The following CDK1 variants were observed in gnomAD, a reference collection of about 807,000 sequenced individuals.
The protein encoded by CDK1 is cyclin dependent kinase 1.
Under a neutral mutation model 34.6 loss-of-function variants are expected in CDK1, and 5 were observed. The observed-to-expected ratio is 0.14, with a 90% CI of 0.08 to 0.30. The LOEUF (loss-of-function observed/expected upper bound fraction) is 0.30. CDK1 is among the 10% of genes least tolerant of loss of function. The pLI, the probability that CDK1 is intolerant of heterozygous loss-of-function variation, is 1.00. For missense variants in CDK1, 157 were observed against 345.7 expected, an observed-to-expected ratio of 0.45 and a Z score of 4.33; for synonymous variants, 108 against 114.7, an observed-to-expected ratio of 0.94 and a Z score of 0.37.
chr10:60,786,216 T>A (rs1039779847), intron 4 of CDK1: 2 of 908,722 alleles, frequency 2.2e-6, no homozygotes, highest in Non-Finnish European at 2.6e-6. Context: ...TACTGAAGTA[T>A]ATAAAAGTGT....
chr10:60,793,234 C>A (rs1589115327), intron 7 of CDK1, among the ~76,000 whole-genome samples: 1 of 152,128 alleles, frequency 6.6e-6, no homozygotes, highest in East Asian at 1.9e-4. Flanking sequence ...TTGTATGGTG[C>A]TGGTTACATG....
Position 60,788,927 on chromosome 10 carries a change from A to G in CDK1, c.489+697A>G, listed in dbSNP as rs151247801. Reference sequence around the variant, plus strand: ...GTCTTTATCATTTTTTTACATGGCTATATAAATAAACTAAGATTATTTTGT... The same window carrying G: ...GTCTTTATCATTTTTTTACATGGCTGTATAAATAAACTAAGATTATTTTGT... On this transcript the variant is annotated intron_variant, in intron 5 of 7. Coordinates refer to ENST00000395284, the MANE Select transcript of CDK1 (RefSeq NM_001786.5). Among the ~76,000 whole-genome samples, 528 of 152,234 alleles carry G rather than the reference A, an allele frequency of 3.5e-3. 1 individual carries two copies. The highest frequency in any genetic ancestry group is 0.012 in the African/African-American group (492 of 41,566).
chr10:60,792,118 T>C, intron 6 of CDK1, 30 bp from the exon 7 acceptor site: 1 of 1,598,298 alleles, frequency 6.3e-7, no homozygotes, highest in Non-Finnish European at 8.5e-7. Context: ...CATTTATGCT[T>C]TAAGAAATTT....
chr10:60,779,916 T>C (rs1163464975), intron 1 of CDK1, among the ~76,000 whole-genome samples: 1 of 152,190 alleles, frequency 6.6e-6, no homozygotes, highest in African/African-American at 2.4e-5. Flanking sequence ...AATACTACAC[T>C]AGTATAGAAT....
At position 60,780,173 on chromosome 10, in the gene CDK1, AT is replaced by A; in HGVS notation, c.10del (p.Tyr4IlefsTer4). On this transcript the variant is annotated frameshift_variant, in exon 2 of 8. Coordinates refer to ENST00000395284, the MANE Select transcript of CDK1 (RefSeq NM_001786.5). LOFTEE classifies it high-confidence loss of function. ...CATACCCATTGACTAACTATGGAAG[AT>A]TATACCAAAATAGAGAAAATTGGAG... ME[D>X]YTKIEKIGEG... 6.5e-7 allele frequency: 1 copy of A among 1,540,834 alleles called. No individual in the cohort carries two copies. The highest frequency in any genetic ancestry group is 9.0e-7 in the Non-Finnish European group (1 of 1,113,646).
At chr10:60,779,153 T>C (rs1019618696) in intron 1 of CDK1, among the ~76,000 whole-genome samples, 3 of 151,366 alleles carry the variant, frequency 2.0e-5, no homozygotes, top group Non-Finnish European at 2.9e-5. Context: ...TTAACTCTCA[T>C]GAGCAGTGTA....
intron 2 of CDK1, among the ~76,000 whole-genome samples, chr10:60,780,789 A>G (rs3213031): frequency 0.098 from 14,975 of 152,126 alleles, 972 homozygotes; most frequent in South Asian, 0.15. Context: ...ATATGGCACA[A>G]ATGAGGGGTA....
At position 60,778,526 on chromosome 10, in the gene CDK1, G is replaced by C. The variant is rs916284595; in HGVS notation, c.-70G>C. On this transcript the variant is annotated 5_prime_UTR_variant, in exon 1 of 8. Coordinates refer to ENST00000395284, the MANE Select transcript of CDK1 (RefSeq NM_001786.5). ...TTGGAAATTGAGCGGAGAGCGACGCGGTTGTTGTAGCTGCCGCTGCGGCCG... is the reference window on the plus strand; with the variant it reads ...TTGGAAATTGAGCGGAGAGCGACGCCGTTGTTGTAGCTGCCGCTGCGGCCG... 6.6e-6 allele frequency: 1 copy of C among 152,498 alleles called. No individual in the cohort carries two copies. Among genetic ancestry groups the C allele is most frequent in the African/African-American group, 2.4e-5 (1 of 41,462 alleles). The allele number at this position is 152,498 out of a possible 1,614,324, so 9.4% of individuals were successfully genotyped here. A position where few individuals can be genotyped will look rare whatever the true frequency, so the allele number is the denominator to read the frequency against.
At chr10:60,787,276 G>A (rs984230360) in intron 4 of CDK1, among the ~76,000 whole-genome samples, 4 of 152,034 alleles carry the variant, frequency 2.6e-5, no homozygotes, top group African/African-American at 9.7e-5. Flanking sequence ...ATATGCTAAT[G>A]TAAGTGTTTT....
chr10:60,785,509 T>G (rs3213048), intron 3 of CDK1, among the ~76,000 whole-genome samples, 155 bp from the exon 4 acceptor site: 3 of 152,190 alleles, frequency 2.0e-5, no homozygotes, highest in Non-Finnish European at 2.9e-5. Flanking sequence ...GATTCCTTTC[T>G]TAAATTTGAG....
At chr10:60,782,859 C>G (rs1186716717) in intron 2 of CDK1, among the ~76,000 whole-genome samples, 1 of 152,112 alleles carries the variant, frequency 6.6e-6, no homozygotes, top group Non-Finnish European at 1.5e-5. Context: ...TTGTTTAACC[C>G]CTCTTCCAGT....
In CDK1 at chr10:60,793,141, G is replaced by T. The variant is rs553593341; in HGVS notation, c.796-736G>T. Among the ~76,000 whole-genome samples the T allele has an allele frequency of 9.9e-5, 15 of 152,158 alleles. 1 individual carries two copies. The highest frequency in any genetic ancestry group is 9.2e-4 in the Admixed American group (14 of 15,282). On this transcript the variant is annotated intron_variant, in intron 7 of 7. Transcript: ENST00000395284. Reference sequence around the variant, plus strand: ...ACTTGGGCAAGTTACTTCCCTTCGAGCCTCAATGTCCTCATTTGTAAAATG... The same window carrying T: ...ACTTGGGCAAGTTACTTCCCTTCGATCCTCAATGTCCTCATTTGTAAAATG...
At chr10:60,789,169 A>G (rs555601749) in intron 5 of CDK1, among the ~76,000 whole-genome samples, 2 of 152,314 alleles carry the variant, frequency 1.3e-5, no homozygotes, top group South Asian at 4.1e-4. Context: ...GGATACATGT[A>G]TGCAATGTGT....
At chr10:60,790,785 G>A (rs1014891446) in intron 5 of CDK1, among the ~76,000 whole-genome samples, 2 of 152,082 alleles carry the variant, frequency 1.3e-5, no homozygotes, top group African/African-American at 4.8e-5. Flanking sequence ...GAAGAGATTG[G>A]CTTTTCCCTA....
chr10:60,780,097 C>T (rs1270663766), intron 1 of CDK1, 44 bp from the exon 2 acceptor site: 5 of 897,948 alleles, frequency 5.6e-6, no homozygotes, highest in African/African-American at 4.9e-5. Context: ...TAAAACTACT[C>T]GAGTTAGTGG....
At chr10:60,785,486 A>G (rs1282877394) in intron 3 of CDK1, among the ~76,000 whole-genome samples, 178 bp from the exon 4 acceptor site, 4 of 152,212 alleles carry the variant, frequency 2.6e-5, no homozygotes, top group South Asian at 4.1e-4. Context: ...TTAATTTTAA[A>G]TAGTTGCCCT....
At chr10:60,778,452 T>G (rs1454290292), upstream of CDK1, 1 of 152,278 alleles carries the variant, frequency 6.6e-6, no homozygotes. Context: ...CCGGGGCCCT[T>G]TAGCGCGGTG....
At chr10:60,779,525 T>A (rs1406783011) in intron 1 of CDK1, among the ~76,000 whole-genome samples, 6 of 152,214 alleles carry the variant, frequency 3.9e-5, no homozygotes, top group African/African-American at 1.4e-4. Flanking sequence ...TTAAGTGATA[T>A]TTCCTACTCT....
chr10:60,782,313 AAC>A (rs1484361849), intron 2 of CDK1, among the ~76,000 whole-genome samples: 1 of 152,170 alleles, frequency 6.6e-6, no homozygotes, highest in Non-Finnish European at 1.5e-5. Context: ...TCTGATTTAG[AAC>A]AGTCTCTGCC....
Sources: gnomAD v4.1 joint callset for allele counts (sites outside exome capture counted in the v4.1 genomes callset) on GRCh38, gnomAD v4.1.1 for gene constraint, MANE v1.5 for transcripts, NCBI Gene and HGNC (gene_info 2026-07-23, HGNC 2026-07-21) for gene names.